The following MGST1 variants were observed in gnomAD, a reference collection of about 807,000 sequenced individuals.
MGST1 encodes glutathione S-transferase 12.
MGST1 carries 5 observed loss-of-function variants against 8.9 expected under a neutral mutation model. That is an observed-to-expected ratio of 0.56 (90% CI 0.29 to 1.19). MGST1 has a LOEUF of 1.19. Ranked by LOEUF, MGST1 falls within the 50% of genes most tolerant of loss-of-function variation. The pLI, the probability that MGST1 is intolerant of heterozygous loss-of-function variation, is 0.08. For synonymous variants in MGST1, 54 were observed against 67.8 expected, an observed-to-expected ratio of 0.80 and a Z score of 1.00; for missense variants, 182 against 187.4, an observed-to-expected ratio of 0.97 and a Z score of 0.17.
downstream of MGST1, among the ~76,000 whole-genome samples, chr12:16,439,962 T>A (rs1024236140): frequency 1.3e-5 from 2 of 151,792 alleles, no homozygotes; most frequent in Non-Finnish European, 2.9e-5. Flanking sequence ...GCCTTTTCTA[T>A]CAGCTCCCAG....
intron 1 of MGST1, among the ~76,000 whole-genome samples, chr12:16,404,791 C>A (rs1399491022): frequency 1.3e-5 from 2 of 152,142 alleles, no homozygotes; most frequent in African/African-American, 4.8e-5. Flanking sequence ...ACCACTTTAT[C>A]TTGCTCTTTA....
intron 1 of MGST1, chr12:16,400,743 C>T (rs570135380): frequency 1.0e-4 from 130 of 1,274,166 alleles, no homozygotes; most frequent in Middle Eastern, 6.8e-4. Context: ...TCTCCTTCCA[C>T]GGACATACTT....
chr12:16,591,610 T>C (rs1943497507), downstream of MGST1, among the ~76,000 whole-genome samples: 1 of 151,840 alleles, frequency 6.6e-6, no homozygotes, highest in Non-Finnish European at 1.5e-5. The surrounding 1 kb of genome is among the most constrained non-coding windows in gnomAD (Gnocchi z 4.1). Flanking sequence ...AATGAAAAAA[T>C]GGGAATGGGG....
chr12:16,468,891 C>T (rs1314363281), intron 4 of MGST1, among the ~76,000 whole-genome samples: 1 of 152,190 alleles, frequency 6.6e-6, no homozygotes, highest in Non-Finnish European at 1.5e-5. Context: ...CCAGTTATTT[C>T]TTATGACACT....
In MGST1 at chr12:16,401,543, G is replaced by T; in HGVS notation, n.778+17939G>T. 2 of 1,042,172 alleles carry T rather than the reference G, an allele frequency of 1.9e-6. No individual in the cohort carries two copies. The highest frequency in any genetic ancestry group is 3.0e-6 in the Non-Finnish European group (2 of 664,498). The allele number at this position is 1,042,172 out of a possible 1,614,324, so 64.6% of individuals were successfully genotyped here. On this transcript the variant is annotated intron_variant and non_coding_transcript_variant, in intron 1 of 1. Transcript: ENST00000359720. This position sits in a 1 kb window ranked among gnomAD's most constrained non-coding sequence, Gnocchi z 4.3. ...TAATTTTCTTGAACTTCCTGAGGAG[G>T]ATCAGCCATCAAAGTGCGAACAGGT...
chr12:16,374,297 A>G lies in MGST1; in HGVS notation c.222-1825A>G, dbSNP rs184337433. On this transcript the variant is annotated intron_variant, in intron 3 of 3. Transcript: ENST00000535309. ...TTTATGCTCACGGTGGTGATTTTAT[A>G]TTGCACACATATAATATAGTCATGG... Among the ~76,000 whole-genome samples the G allele has an allele frequency of 2.6e-4, 39 of 152,180 alleles. No homozygotes were observed. The East Asian group carries it at 5.4e-3, about 21-fold the overall frequency.
chr12:16,533,460 A>G (rs1941734469), intron 4 of MGST1, among the ~76,000 whole-genome samples: 1 of 151,704 alleles, frequency 6.6e-6, no homozygotes, highest in Non-Finnish European at 1.5e-5. Context: ...TATGAGTTAT[A>G]CTGTAAATTG....
intron 4 of MGST1, among the ~76,000 whole-genome samples, chr12:16,524,347 A>C (rs1941669184): frequency 6.6e-6 from 1 of 152,114 alleles, no homozygotes; most frequent in African/African-American, 2.4e-5. Flanking sequence ...GGAAAAAAAA[A>C]ATACTTCCAA....
rs898444635 is a variant in MGST1, at chr12:16,482,689, C to T, written n.482+99085C>T. The stretch of plus-strand genomic sequence containing the variant: ...AATGCAAGAACATGTAAAAATGCAA[C>T]AACAAGTTGATTGTTCTAGAGACAG... On this transcript the variant is annotated intron_variant and non_coding_transcript_variant, in intron 4 of 4. Transcript: ENST00000538857. This position sits in a 1 kb window ranked among gnomAD's most constrained non-coding sequence, Gnocchi z 4.2. 1.3e-5 allele frequency among the ~76,000 whole-genome samples: 2 copies of T among 150,750 alleles called. No individual in the cohort carries two copies. Among genetic ancestry groups the T allele is most frequent in the Non-Finnish European group, 2.9e-5 (2 of 67,834 alleles).
intron 1 of MGST1, among the ~76,000 whole-genome samples, chr12:16,432,578 G>A (rs916736189): frequency 1.3e-4 from 19 of 151,602 alleles, no homozygotes; most frequent in Non-Finnish European, 2.8e-4. Context: ...AGAGCCAAAA[G>A]TAACACTTAA....
downstream of MGST1, among the ~76,000 whole-genome samples, chr12:16,438,959 C>T (rs1166234138): frequency 2.0e-5 from 3 of 151,710 alleles, no homozygotes; most frequent in East Asian, 1.9e-4. Flanking sequence ...AGTATTTATT[C>T]GTGGTGCAGA....
intron 4 of MGST1, among the ~76,000 whole-genome samples, chr12:16,483,936 C>T (rs1941381215): frequency 6.6e-6 from 1 of 152,064 alleles, no homozygotes; most frequent in African/African-American, 2.4e-5. Flanking sequence ...CAAAAACCAG[C>T]CATATTCTAG....
At chr12:16,568,923 G>GA (rs1280124357) in intron 4 of MGST1, among the ~76,000 whole-genome samples, 3 of 151,968 alleles carry the variant, frequency 2.0e-5, no homozygotes, top group Non-Finnish European at 4.4e-5. Context: ...TTAAAGATAA[G>GA]AAAAAATACA....
chr12:16,526,833 G>A (rs1941689321), intron 4 of MGST1, among the ~76,000 whole-genome samples: 1 of 151,944 alleles, frequency 6.6e-6, no homozygotes, highest in South Asian at 2.1e-4. Context: ...GAGTCATGAT[G>A]GCTGTAATCC....
intron 4 of MGST1, among the ~76,000 whole-genome samples, chr12:16,487,106 A>G (rs1941403771): frequency 6.6e-6 from 1 of 152,160 alleles, no homozygotes; most frequent in South Asian, 2.1e-4. Flanking sequence ...AGAATCCATT[A>G]GGCAATGGTG....
chr12:16,418,034 CTT>C (rs929957643), intron 1 of MGST1, among the ~76,000 whole-genome samples: 1 of 152,036 alleles, frequency 6.6e-6, no homozygotes, highest in African/African-American at 2.4e-5. Context: ...TAGGGAAGGT[CTT>C]TTAAGACTTG....
At chr12:16,528,813 A>G (rs891144326) in intron 4 of MGST1, among the ~76,000 whole-genome samples, 65 of 152,150 alleles carry the variant, frequency 4.3e-4, no homozygotes, top group African/African-American at 1.5e-3. Context: ...AGCACCCAAG[A>G]AGAGCCCATG....
At chr12:16,554,953 C>T (rs549058364) in intron 4 of MGST1, among the ~76,000 whole-genome samples, 19 of 152,308 alleles carry the variant, frequency 1.2e-4, no homozygotes, top group South Asian at 1.0e-3. Context: ...TTAGCCACCG[C>T]GCCCGGCCAG....
chr12:16,476,111 G>A (rs1343429910), intron 4 of MGST1, among the ~76,000 whole-genome samples: 1 of 152,036 alleles, frequency 6.6e-6, no homozygotes, highest in Non-Finnish European at 1.5e-5. Flanking sequence ...ACTGCTGAAG[G>A]ACAATAAAAA....
Sources: gnomAD v4.1 joint callset for allele counts (sites outside exome capture counted in the v4.1 genomes callset) on GRCh38, gnomAD v4.1.1 for gene constraint, Gnocchi (gnomAD v3.1) non-coding constraint, MANE v1.5 for transcripts, NCBI Gene and HGNC (gene_info 2026-07-23, HGNC 2026-07-21) for gene names.